Variants in RALGPS1 observed in about 807,000 individuals in gnomAD.
The protein encoded by RALGPS1 is Ral GEF with PH domain and SH3 binding motif 1, also known as ras-specific guanine nucleotide-releasing factor RalGPS1.
A neutral mutation model predicts 78.8 loss-of-function variants in RALGPS1; 19 were observed. That is an observed-to-expected ratio of 0.24 (90% CI 0.17 to 0.35). The LOEUF (loss-of-function observed/expected upper bound fraction) is 0.35. Ranked by LOEUF, RALGPS1 falls within the 10% of genes least tolerant of loss-of-function variation. The pLI is 1.00. For synonymous variants in RALGPS1, 228 were observed against 256.3 expected, an observed-to-expected ratio of 0.89 and a Z score of 1.06; for missense variants, 454 against 688.3, an observed-to-expected ratio of 0.66 and a Z score of 3.81.
At chr9:127,085,278 TC>T (rs1251295956) in intron 8 of RALGPS1, among the ~76,000 whole-genome samples, 1 of 152,210 alleles carries the variant, frequency 6.6e-6, no homozygotes, top group Non-Finnish European at 1.5e-5. Context: ...TTCATTGACT[TC>T]CTTCTGGGTC....
At chr9:127,165,438 A>T (rs2059247778) in intron 8 of RALGPS1, among the ~76,000 whole-genome samples, 1 of 152,258 alleles carries the variant, frequency 6.6e-6, no homozygotes. Context: ...CATAGGTTTG[A>T]TCTTCAAAAG....
chr9:127,114,265 T>G (rs2055169360), intron 8 of RALGPS1, among the ~76,000 whole-genome samples: 1 of 152,208 alleles, frequency 6.6e-6, no homozygotes, highest in Non-Finnish European at 1.5e-5. Flanking sequence ...ACAAAGATAC[T>G]TTTAAGGCTA....
intron 8 of RALGPS1, among the ~76,000 whole-genome samples, chr9:127,117,427 TCTC>T (rs2137516829): frequency 6.6e-6 from 1 of 152,272 alleles, no homozygotes; most frequent in South Asian, 2.1e-4. Context: ...CCCAATAAGT[TCTC>T]CTCTTCCAGC....
chr9:127,108,912 T>G (rs2054529823), intron 8 of RALGPS1: 1 of 664,518 alleles, frequency 1.5e-6, no homozygotes, highest in Non-Finnish European at 2.5e-6. Context: ...CTGGGTTATA[T>G]TCTCTTGGAG....
At chr9:127,049,967 G>A in intron 5 of RALGPS1, 76 bp from the exon 6 acceptor site, 1 of 1,065,986 alleles carries the variant, frequency 9.4e-7, no homozygotes, top group Non-Finnish European at 1.5e-6. Context: ...CGGTGGGCAA[G>A]GGGGACACGG....
intron 3 of RALGPS1, among the ~76,000 whole-genome samples, chr9:126,966,956 TGA>T (rs1283351008): frequency 2.0e-5 from 3 of 152,142 alleles, no homozygotes. Flanking sequence ...CAAACCTGAT[TGA>T]GAGTGTTGTC....
At chr9:126,934,579 G>A (rs1333437398) in intron 1 of RALGPS1, among the ~76,000 whole-genome samples, 3 of 152,322 alleles carry the variant, frequency 2.0e-5, no homozygotes, top group East Asian at 3.9e-4. Flanking sequence ...CAGCCTCTGC[G>A]AGCCACAAAA....
intron 8 of RALGPS1, among the ~76,000 whole-genome samples, chr9:127,162,479 T>C (rs2059076749): frequency 6.6e-6 from 1 of 152,232 alleles, no homozygotes; most frequent in South Asian, 2.1e-4. Flanking sequence ...GACTTGCTGC[T>C]TGTGCTGTGG....
chr9:126,955,416 A>C (rs2038246401), intron 1 of RALGPS1, among the ~76,000 whole-genome samples: 1 of 152,184 alleles, frequency 6.6e-6, no homozygotes. Context: ...AGTACCTGGG[A>C]CTTGGTCACC....
intron 3 of RALGPS1, among the ~76,000 whole-genome samples, chr9:126,973,229 A>C (rs1388114979): frequency 6.6e-6 from 1 of 152,078 alleles, no homozygotes; most frequent in African/African-American, 2.4e-5. Context: ...TTAGCTGGGC[A>C]TGGTGGCTTA....
rs1402302853 is a variant in RALGPS1 at position 127,087,998 on chromosome 9, A to G, written c.610+18642A>G. ...CTTTTGGCCTGGCCTTCCCTTCCCAACCAGAAACCTGGAGCCCGGAGTGTT... is the reference window on the plus strand; with the variant it reads ...CTTTTGGCCTGGCCTTCCCTTCCCAGCCAGAAACCTGGAGCCCGGAGTGTT... On this transcript the variant is annotated intron_variant, in intron 8 of 18. Coordinates refer to ENST00000259351, the MANE Select transcript of RALGPS1 (RefSeq NM_014636.3). 3 of 152,576 alleles carry G rather than the reference A, an allele frequency of 2.0e-5. No individual in the cohort carries two copies. In the East Asian group the frequency reaches 5.8e-4, roughly 29 times the overall value. The allele number at this position is 152,576 out of a possible 1,614,324, so 9.5% of individuals were successfully genotyped here.
chr9:126,950,478 CTT>C (rs1431347503), intron 1 of RALGPS1, among the ~76,000 whole-genome samples: 3 of 152,178 alleles, frequency 2.0e-5, no homozygotes, highest in African/African-American at 7.2e-5. Flanking sequence ...TTTGTATCCT[CTT>C]TTATTTCATT....
chr9:127,048,351 G>A (rs976215886), intron 5 of RALGPS1, among the ~76,000 whole-genome samples: 2 of 152,174 alleles, frequency 1.3e-5, no homozygotes, highest in African/African-American at 4.8e-5. Context: ...TCTTCGAGAA[G>A]CCTTCCTCTG....
intron 4 of RALGPS1, among the ~76,000 whole-genome samples, chr9:127,011,415 G>T (rs1327190476): frequency 2.0e-5 from 3 of 152,110 alleles, no homozygotes; most frequent in African/African-American, 7.2e-5. Flanking sequence ...CTGACCTCAG[G>T]TGATCCGCCG....
intron 4 of RALGPS1, among the ~76,000 whole-genome samples, chr9:126,998,907 C>T (rs2043023567): frequency 6.6e-6 from 1 of 150,546 alleles, no homozygotes; most frequent in African/African-American, 2.4e-5. Flanking sequence ...TCTCAGCAAA[C>T]TATCGCAAGG....
intron 4 of RALGPS1, chr9:126,990,022 G>A (rs987196311): frequency 1.3e-6 from 2 of 1,549,208 alleles, no homozygotes; most frequent in Non-Finnish European, 1.7e-6. Flanking sequence ...CCTTTTGTCT[G>A]GATGCCGTTT....
At position 127,219,204 on chromosome 9, in the gene RALGPS1, G is replaced by A. The variant is rs2062710607; in HGVS notation, c.*435G>A. 2 of 233,286 alleles carry A rather than the reference G, an allele frequency of 8.6e-6. No homozygotes were observed. The highest frequency in any genetic ancestry group is 5.1e-5 in the Admixed American group (1 of 19,536). 14.5% of individuals were successfully genotyped at this position (233,286 alleles called of 1,614,324 possible). Reference sequence around the variant, plus strand: ...AGTGCATGGGGTTGCTCGCCCACAGGGCTGCCTCAGATTTTGTACAACCCC... The same window carrying A: ...AGTGCATGGGGTTGCTCGCCCACAGAGCTGCCTCAGATTTTGTACAACCCC... On this transcript the variant is annotated 3_prime_UTR_variant, in exon 19 of 19. Transcript: ENST00000259351. The surrounding 1 kb of genome is among the most constrained non-coding windows in gnomAD (Gnocchi z 5.0).
rs548070669 is a variant in RALGPS1, at chr9:127,171,895, C to G, written c.843-2820C>G. ...AAAGATGAGAATATTAGCCCTCTCCCCTTCCTTAACCTCCACTTCACCAGC... is the reference window on the plus strand; with the variant it reads ...AAAGATGAGAATATTAGCCCTCTCCGCTTCCTTAACCTCCACTTCACCAGC... On this transcript the variant is annotated intron_variant, in intron 10 of 18. Transcript: ENST00000259351. Among the ~76,000 whole-genome samples, 248 of 152,302 alleles carry G rather than the reference C, an allele frequency of 1.6e-3. 1 individual carries two copies. Among genetic ancestry groups the G allele is most frequent in the Middle Eastern group, 3.4e-3 (1 of 294 alleles).
intron 4 of RALGPS1, among the ~76,000 whole-genome samples, chr9:127,029,545 G>A (rs565607852): frequency 1.3e-5 from 2 of 152,340 alleles, no homozygotes; most frequent in Admixed American, 6.5e-5. Flanking sequence ...GTTGGCTGGT[G>A]CCAGCCTGGC....
Sources: allele counts gnomAD v4.1 joint callset (sites outside exome capture counted in the v4.1 genomes callset), GRCh38; gene constraint gnomAD v4.1.1; non-coding constraint Gnocchi (gnomAD v3.1); transcripts MANE v1.5; gene names NCBI Gene and HGNC (gene_info 2026-07-23, HGNC 2026-07-21).